Variants in ZNF532 observed in about 807,000 individuals in gnomAD.
The protein encoded by ZNF532 is zinc finger protein 532.
Under a neutral mutation model 89.3 loss-of-function variants are expected in ZNF532, and 22 were observed. The observed-to-expected ratio is 0.25, with a 90% CI of 0.18 to 0.35. ZNF532 has a LOEUF of 0.35. Among genes scored for constraint, ZNF532 ranks in the 10% least tolerant of loss-of-function variants. The pLI, the probability that ZNF532 is intolerant of heterozygous loss-of-function variation, is 1.00. For missense variants in ZNF532, 1,132 were observed against 1,643.4 expected, an observed-to-expected ratio of 0.69 and a Z score of 5.38; for synonymous variants, 606 against 649.6, an observed-to-expected ratio of 0.93 and a Z score of 1.02.
At chr18:58,893,497 A>G (rs2059042447) in intron 2 of ZNF532, among the ~76,000 whole-genome samples, 2 of 151,912 alleles carry the variant, frequency 1.3e-5, no homozygotes, top group Non-Finnish European at 1.5e-5. Context: ...TCACTACAAA[A>G]TACCAAATAT....
intron 2 of ZNF532, among the ~76,000 whole-genome samples, chr18:58,908,066 C>T (rs1237206187): frequency 1.3e-5 from 2 of 152,196 alleles, no homozygotes; most frequent in Non-Finnish European, 2.9e-5. Context: ...ACTGGTCACT[C>T]ATTGTTTGAA....
intron 7 of ZNF532, among the ~76,000 whole-genome samples, chr18:58,971,590 C>T (rs192685446): frequency 1.3e-5 from 2 of 152,236 alleles, no homozygotes; most frequent in East Asian, 1.9e-4. Context: ...ACTGTCTGGC[C>T]ATTTAGAGAA....
In ZNF532 at chr18:58,939,571, A is replaced by G. The variant is rs760672614; in HGVS notation, c.2655A>G (p.Thr885=). Residue 885 remains threonine (T), a synonymous_variant, in exon 5 of 10, where the codon ACA becomes ACG. Coordinates refer to ENST00000591808, the MANE Select transcript of ZNF532 (RefSeq NM_001375912.1). The part of the protein sequence containing the change: ...CPMAFKSAPS[T]HSHAYTQHPG... The stretch of plus-strand genomic sequence containing the variant: ...TGGCGTTTAAGTCTGCCCCAAGCAC[A>G]CATTCCCACGCCTACACACAGCATC... 10 of 1,614,140 alleles carry G rather than the reference A, an allele frequency of 6.2e-6. No individual in the cohort carries two copies. In the Admixed American group the frequency reaches 8.3e-5, roughly 13 times the overall value.
At chr18:58,935,279 C>A (rs1439086225) in intron 4 of ZNF532, among the ~76,000 whole-genome samples, 1 of 38,530 alleles carries the variant, frequency 2.6e-5, no homozygotes, top group Non-Finnish European at 5.7e-5. Context: ...CCTTCTCTCC[C>A]CTTCTCCTTC....
chr18:58,930,260 CT>C (rs991062898), intron 3 of ZNF532, among the ~76,000 whole-genome samples: 1 of 152,134 alleles, frequency 6.6e-6, no homozygotes, highest in Non-Finnish European at 1.5e-5. Context: ...CAGAATGTAC[CT>C]GGTTCCCCCT....
intron 2 of ZNF532, among the ~76,000 whole-genome samples, chr18:58,886,413 A>C (rs1240770980): frequency 6.6e-6 from 1 of 152,026 alleles, no homozygotes; most frequent in Non-Finnish European, 1.5e-5. Context: ...CTTAATGTTC[A>C]ATCTTGATTG....
intron 2 of ZNF532, chr18:58,896,565 A>G (rs996596483): frequency 2.6e-5 from 4 of 153,376 alleles, no homozygotes; most frequent in African/African-American, 9.7e-5. Context: ...GCATCTGTCC[A>G]TCTGTTCATC....
chr18:58,920,127 C>T lies in ZNF532; in HGVS notation c.1840C>T (p.Arg614Cys), dbSNP rs753958965. 5.0e-6 allele frequency: 8 copies of T among 1,613,934 alleles called. No homozygotes were observed. Among genetic ancestry groups the T allele is most frequent in the East Asian group, 2.2e-5 (1 of 44,890 alleles). ...CAATGCAGGGATCACGTTACCGACG[C>T]GTGGGTACAAGTGCTTGGAGTGTGG... is the stretch of plus-strand genomic sequence containing the variant. ...PANAGITLPTRGYKCLECGDS... is the reference protein window; with the variant it reads ...PANAGITLPTCGYKCLECGDS... Residue 614 changes from arginine to cysteine, a missense_variant, in exon 3 of 10, where the codon CGT becomes TGT. Transcript: ENST00000591808.
chr18:58,874,589 C>T (rs1307789621), intron 2 of ZNF532, among the ~76,000 whole-genome samples: 3 of 152,194 alleles, frequency 2.0e-5, no homozygotes, highest in African/African-American at 7.2e-5. Context: ...GATCCACCCG[C>T]CTTGGCCTCC....
At chr18:58,911,592 T>A (rs2060287284) in intron 2 of ZNF532, among the ~76,000 whole-genome samples, 1 of 152,016 alleles carries the variant, frequency 6.6e-6, no homozygotes, top group Non-Finnish European at 1.5e-5. Context: ...TGGCGGTGCT[T>A]GTAAGGATCA....
chr18:58,965,753 T>C (rs2065859696), intron 7 of ZNF532, among the ~76,000 whole-genome samples: 2 of 152,314 alleles, frequency 1.3e-5, no homozygotes, highest in East Asian at 1.9e-4. Context: ...CGTTAATTAA[T>C]TGGGCAAATC....
rs555406347 is a variant in ZNF532 at position 58,914,084 on chromosome 18, G to A, written c.-17-4187G>A. On this transcript the variant is annotated intron_variant, in intron 2 of 9. Transcript: ENST00000591808. ...ACAAAGTATGAGAAGTATGATTAAG[G>A]GGTGAATAGGTTTTTCTTACGTTTT... Among the ~76,000 whole-genome samples, 24 of 152,344 alleles carry A rather than the reference G, an allele frequency of 1.6e-4. No homozygotes were observed. The South Asian group carries it at 4.6e-3, about 29-fold the overall frequency.
intron 2 of ZNF532, among the ~76,000 whole-genome samples, chr18:58,888,681 G>A (rs866445481): frequency 1.3e-4 from 8 of 62,134 alleles, no homozygotes; most frequent in South Asian, 5.3e-4. Flanking sequence ...TGTCTCCAAG[G>A]AAGGCAAAAA....
At chr18:58,957,430 T>C (rs1482522420) in intron 7 of ZNF532, among the ~76,000 whole-genome samples, 55 of 143,240 alleles carry the variant, frequency 3.8e-4, no homozygotes, top group Admixed American at 3.6e-3. Flanking sequence ...TATATATATA[T>C]ATATAGAAAT....
chr18:58,978,172 A>G (rs1043314463), intron 7 of ZNF532, among the ~76,000 whole-genome samples: 77 of 152,324 alleles, frequency 5.1e-4, no homozygotes, highest in African/African-American at 1.8e-3. Flanking sequence ...CCTACTTGAC[A>G]GTGTTTGCTG....
intron 7 of ZNF532, among the ~76,000 whole-genome samples, chr18:58,963,023 A>G (rs1218460442): frequency 6.6e-6 from 1 of 151,964 alleles, no homozygotes; most frequent in Non-Finnish European, 1.5e-5. Context: ...TGTGGCCCTC[A>G]CTGTGTGACT....
intron 6 of ZNF532, among the ~76,000 whole-genome samples, chr18:58,952,518 C>T (rs753647449): frequency 2.6e-5 from 4 of 152,118 alleles, no homozygotes; most frequent in Non-Finnish European, 5.9e-5. Context: ...AATCTTCTTA[C>T]CTCAGCCTTC....
chr18:58,870,072 G>GTTTTTTTT (rs764095848), intron 2 of ZNF532, among the ~76,000 whole-genome samples: 1 of 112,788 alleles, frequency 8.9e-6, no homozygotes, highest in African/African-American at 3.3e-5. Flanking sequence ...AGCCCAGGTT[G>GTTTTTTTT]TTTTTTTTTT....
intron 3 of ZNF532, 120 bp from the exon 4 acceptor site, chr18:58,934,313 T>A: frequency 1.1e-6 from 1 of 921,340 alleles, no homozygotes. Flanking sequence ...GGGCTTAGAA[T>A]CAATTACTGT....
Sources: allele counts gnomAD v4.1 joint callset (sites outside exome capture counted in the v4.1 genomes callset), GRCh38; gene constraint gnomAD v4.1.1; transcripts MANE v1.5; gene names NCBI Gene and HGNC (gene_info 2026-07-23, HGNC 2026-07-21).